CTNND2: variants seen among roughly 807,000 people sequenced by gnomAD.
CTNND2 encodes the protein catenin delta-2.
In CTNND2, 22 loss-of-function variants were observed where a neutral mutation model predicts 144.4. The ratio of observed to expected loss-of-function variants is 0.15; its 90% CI spans 0.11 to 0.22. The LOEUF is 0.22. Among genes scored for constraint, CTNND2 ranks in the 10% least tolerant of loss-of-function variants. CTNND2 has a pLI of 1.00. For missense variants in CTNND2, 1,353 were observed against 1,618.8 expected (o/e 0.84, Z 2.82); for synonymous variants, 751 against 695.6 (o/e 1.08, Z -1.25).
chr5:11,716,866 T>C (rs947355083), intron 2 of CTNND2, among the ~76,000 whole-genome samples: 11 of 151,846 alleles, frequency 7.2e-5, no homozygotes, highest in Non-Finnish European at 1.3e-4. Context: ...TTTGTGTTTT[T>C]TGTTTGTATT....
chr5:11,841,150 C>CA (rs1167337203), intron 1 of CTNND2, among the ~76,000 whole-genome samples: 1 of 151,616 alleles, frequency 6.6e-6, no homozygotes, highest in Non-Finnish European at 1.5e-5. Flanking sequence ...CAACGATGAA[C>CA]AAAAAAAAGT....
intron 9 of CTNND2, among the ~76,000 whole-genome samples, chr5:11,285,663 T>C (rs1271092123): frequency 6.6e-6 from 1 of 152,078 alleles, no homozygotes; most frequent in Non-Finnish European, 1.5e-5. Flanking sequence ...AACGAAAGAA[T>C]GGCAGGTTTG....
intron 1 of CTNND2, among the ~76,000 whole-genome samples, chr5:11,839,362 C>G (rs1169017914): frequency 6.6e-6 from 1 of 152,082 alleles, no homozygotes; most frequent in African/African-American, 2.4e-5. Context: ...TTAGGTTCAT[C>G]CTGATAACAC....
At chr5:11,536,877 T>C (rs1235295724) in intron 3 of CTNND2, among the ~76,000 whole-genome samples, 1 of 152,004 alleles carries the variant, frequency 6.6e-6, no homozygotes. Flanking sequence ...CCTATTGAAA[T>C]AAAAAATAAT....
At chr5:11,670,144 T>C (rs1783806129) in intron 2 of CTNND2, among the ~76,000 whole-genome samples, 1 of 152,200 alleles carries the variant, frequency 6.6e-6, no homozygotes, top group African/African-American at 2.4e-5. Context: ...TTCTTTTGCA[T>C]TTGCTGAGGT....
chr5:11,240,801 C>G (rs1742314138), intron 9 of CTNND2, among the ~76,000 whole-genome samples: 1 of 145,014 alleles, frequency 6.9e-6, no homozygotes, highest in African/African-American at 2.6e-5. Flanking sequence ...AACCCCCACA[C>G]ACCCAACACA....
At chr5:11,852,099 C>T (rs1795042643) in intron 1 of CTNND2, among the ~76,000 whole-genome samples, 1 of 152,110 alleles carries the variant, frequency 6.6e-6, no homozygotes. Context: ...TTCCTTCCCC[C>T]TTGTTCCTAC....
intron 16 of CTNND2, among the ~76,000 whole-genome samples, chr5:11,046,025 T>C (rs902649194): frequency 6.6e-5 from 10 of 152,134 alleles, no homozygotes; most frequent in Admixed American, 1.3e-4. Flanking sequence ...TCAGCAGCTG[T>C]TGGGGCTACT....
At chr5:11,234,708 T>G (rs2149892880) in intron 10 of CTNND2, among the ~76,000 whole-genome samples, 1 of 152,314 alleles carries the variant, frequency 6.6e-6, no homozygotes, top group Admixed American at 6.5e-5. Context: ...AGACCATGAC[T>G]TCAGACTTCC....
intron 8 of CTNND2, among the ~76,000 whole-genome samples, chr5:11,361,776 A>G (rs1756479154): frequency 6.6e-6 from 1 of 152,084 alleles, no homozygotes; most frequent in South Asian, 2.1e-4. Flanking sequence ...CTGGCCTCAC[A>G]TGCTTGTTTC....
chr5:10,992,481 C>T (rs1261419183), intron 19 of CTNND2, 70 bp downstream of exon 19: 22 of 1,606,352 alleles, frequency 1.4e-5, no homozygotes, highest in Middle Eastern at 2.2e-4. Flanking sequence ...GGTTGGCTCA[C>T]GGACTGGGAA....
chr5:10,981,382 T>C (rs149751799), intron 21 of CTNND2, among the ~76,000 whole-genome samples: 2 of 152,372 alleles, frequency 1.3e-5, no homozygotes, highest in African/African-American at 4.8e-5. Context: ...TAATGAATGC[T>C]TCCTTCCTAA....
intron 16 of CTNND2, among the ~76,000 whole-genome samples, chr5:11,076,619 A>G (rs1238742055): frequency 1.3e-5 from 2 of 152,320 alleles, no homozygotes; most frequent in Non-Finnish European, 2.9e-5. Flanking sequence ...TCTATAGCAT[A>G]CTTATTGCTG....
chr5:11,766,606 T>G (rs1015608819), intron 1 of CTNND2, among the ~76,000 whole-genome samples: 1 of 152,162 alleles, frequency 6.6e-6, no homozygotes, highest in Admixed American at 6.5e-5. Flanking sequence ...CTTTCTTTTG[T>G]AAATTGCCCA....
At chr5:11,575,056 T>C (rs1581533181) in intron 2 of CTNND2, among the ~76,000 whole-genome samples, 1 of 152,322 alleles carries the variant, frequency 6.6e-6, no homozygotes, top group Non-Finnish European at 1.5e-5. Flanking sequence ...CTGTTCTATA[T>C]ATATGCACAT....
At chr5:11,488,665 G>T (rs1320847427) in intron 3 of CTNND2, among the ~76,000 whole-genome samples, 1 of 152,092 alleles carries the variant, frequency 6.6e-6, no homozygotes, top group Non-Finnish European at 1.5e-5. Flanking sequence ...AAAGAGAGAA[G>T]AGTTCAACTA....
Position 11,395,811 on chromosome 5 carries a change from C to T in CTNND2, c.612+1220G>A, listed in dbSNP as rs189997640. Among the ~76,000 whole-genome samples the T allele has an allele frequency of 1.4e-3, 219 of 152,360 alleles. No homozygotes were observed. In the Middle Eastern group the frequency reaches 0.027, roughly 19 times the overall value. On this transcript the variant is annotated intron_variant, in intron 6 of 21. Transcript: ENST00000304623. ...TAGTAGTGGAAATCCAAAAAACTTC[C>T]AGCTCCTGCTTCAATAATGTGAATG... is the stretch of plus-strand genomic sequence containing the variant.
chr5:11,169,291 T>C (rs892915492), intron 11 of CTNND2, among the ~76,000 whole-genome samples: 2 of 152,208 alleles, frequency 1.3e-5, no homozygotes, highest in Non-Finnish European at 2.9e-5. Flanking sequence ...TGAGGGAGGA[T>C]ACTTACTGCA....
At chr5:11,502,114 A>C (rs1297182219) in intron 3 of CTNND2, among the ~76,000 whole-genome samples, 3 of 151,952 alleles carry the variant, frequency 2.0e-5, no homozygotes, top group Non-Finnish European at 4.4e-5. Flanking sequence ...CTGTCTATAA[A>C]CCAGGAAGAG....
Sources: gnomAD v4.1 joint callset for allele counts (sites outside exome capture counted in the v4.1 genomes callset) on GRCh38, gnomAD v4.1.1 for gene constraint, MANE v1.5 for transcripts, NCBI Gene and HGNC (gene_info 2026-07-23, HGNC 2026-07-21) for gene names.